The following FGD6 variants were observed in gnomAD, a reference collection of about 807,000 sequenced individuals.
FGD6 encodes FYVE, RhoGEF and PH domain-containing protein 6.
FGD6 carries 90 observed loss-of-function variants against 149.4 expected under a neutral mutation model. The ratio of observed to expected loss-of-function variants is 0.60; its 90% CI spans 0.51 to 0.72. The LOEUF (loss-of-function observed/expected upper bound fraction) is 0.72, where lower values mean the gene tolerates loss of function less well. Among genes scored for constraint, FGD6 ranks in the 30% least tolerant of loss-of-function variants. FGD6 has a pLI of 0.00. For missense variants in FGD6, 1,437 were observed against 1,684.8 expected (o/e 0.85, Z 2.57); for synonymous variants, 527 against 584.0 (o/e 0.90, Z 1.41).
chr12:95,171,986 T>C (rs952727771), intron 3 of FGD6, among the ~76,000 whole-genome samples: 2 of 129,970 alleles, frequency 1.5e-5, no homozygotes, highest in African/African-American at 5.8e-5. Context: ...AATTTCTTTA[T>C]TTCAAAAAAA....
At chr12:95,105,658 G>A (rs1878588163) in intron 13 of FGD6, among the ~76,000 whole-genome samples, 1 of 152,160 alleles carries the variant, frequency 6.6e-6, no homozygotes, top group Non-Finnish European at 1.5e-5. Flanking sequence ...TTTGTTTATA[G>A]TAGTTCTCAA....
At position 95,080,912 on chromosome 12, in the gene FGD6, T is replaced by G. The variant is rs1436653300; in HGVS notation, c.*608A>C. On this transcript the variant is annotated 3_prime_UTR_variant, in exon 21 of 21. Coordinates refer to ENST00000343958, the MANE Select transcript of FGD6 (RefSeq NM_018351.4). ...AATTCTTTGATGATGTAATATTAAC[T>G]CCTGCCAAAGAGGTACCTAACAACA... 1 of 152,186 alleles carries G rather than the reference T, an allele frequency of 6.6e-6. No homozygotes were observed. The highest frequency in any genetic ancestry group is 2.4e-5 in the African/African-American group (1 of 41,440). The allele number at this position is 152,186 out of a possible 1,614,324, so 9.4% of individuals were successfully genotyped here.
At chr12:95,157,871 CAG>C (rs1270061653) in intron 3 of FGD6, among the ~76,000 whole-genome samples, 1 of 152,028 alleles carries the variant, frequency 6.6e-6, no homozygotes. Context: ...TGTTTTGAGA[CAG>C]AGTCTCGTTC....
intron 14 of FGD6, among the ~76,000 whole-genome samples, chr12:95,095,859 CAA>C (rs768705197): frequency 5.3e-5 from 8 of 151,886 alleles, no homozygotes; most frequent in Non-Finnish European, 1.0e-4. Context: ...ACTAAAAATA[CAA>C]AAGTTAGCCG....
At chr12:95,123,559 A>G (rs1406572621) in intron 8 of FGD6, among the ~76,000 whole-genome samples, 1 of 146,248 alleles carries the variant, frequency 6.8e-6, no homozygotes, top group East Asian at 2.0e-4. Context: ...GCAAAAGTCA[A>G]TATACATTTT....
In FGD6 at chr12:95,209,895, G is replaced by T; in HGVS notation, c.1389C>A (p.Cys463Ter). The T allele has an allele frequency of 1.2e-6, 2 of 1,613,354 alleles. No homozygotes were observed. The highest frequency in any genetic ancestry group is 1.7e-6 in the Non-Finnish European group (2 of 1,179,900). The part of the protein sequence containing the change: ...MSLPKQLKLT[C>*]NEHLQSGRNL... ...TTCTCCCAGATTGCAAATGTTCATT[G>T]CAAGTTAATTTGAGCTGCTTAGGCA... Residue 463 changes from cysteine to a stop codon, truncating the protein, a stop_gained, in exon 2 of 21, where the codon TGC becomes TGA. Transcript: ENST00000343958. LOFTEE classifies it high-confidence loss of function.
intron 2 of FGD6, among the ~76,000 whole-genome samples, chr12:95,187,262 C>T (rs994127358): frequency 2.0e-5 from 3 of 150,074 alleles, no homozygotes; most frequent in Non-Finnish European, 4.4e-5. Flanking sequence ...ACCCAGGAGG[C>T]GGAGCTTGCA....
intron 2 of FGD6, among the ~76,000 whole-genome samples, chr12:95,193,718 AG>A (rs1307158039): frequency 1.3e-5 from 2 of 151,874 alleles, no homozygotes; most frequent in Non-Finnish European, 1.5e-5. Context: ...CAGTAGAGAC[AG>A]GGTTTCACCA....
chr12:95,147,789 A>G (rs1271095296), intron 5 of FGD6, among the ~76,000 whole-genome samples: 4 of 152,330 alleles, frequency 2.6e-5, no homozygotes, highest in African/African-American at 9.6e-5. Flanking sequence ...ATTAAAACAG[A>G]TAATTGATGT....
At chr12:95,139,958 C>T (rs1418823189) in intron 6 of FGD6, among the ~76,000 whole-genome samples, 1 of 152,120 alleles carries the variant, frequency 6.6e-6, no homozygotes, top group Non-Finnish European at 1.5e-5. Flanking sequence ...TTAAAGACTA[C>T]ATTTTAGTCA....
chr12:95,089,805 G>A, intron 17 of FGD6, 109 bp from the exon 18 acceptor site: 2 of 1,385,696 alleles, frequency 1.4e-6, no homozygotes, highest in Non-Finnish European at 2.0e-6. Flanking sequence ...AGGACACTAA[G>A]AAACAACATT....
At chr12:95,165,696 G>C (rs1241050223) in intron 3 of FGD6, among the ~76,000 whole-genome samples, 1 of 151,406 alleles carries the variant, frequency 6.6e-6, no homozygotes, top group African/African-American at 2.4e-5. Context: ...GGAATGCTGT[G>C]GCATGACCTC....
At chr12:95,159,353 T>C (rs1880571680) in intron 3 of FGD6, among the ~76,000 whole-genome samples, 1 of 152,140 alleles carries the variant, frequency 6.6e-6, no homozygotes. Context: ...CTTATGATCT[T>C]GAATTAGGCA....
At chr12:95,136,184 C>G (rs1379137959) in intron 7 of FGD6, among the ~76,000 whole-genome samples, 3 of 151,914 alleles carry the variant, frequency 2.0e-5, no homozygotes, top group Non-Finnish European at 2.9e-5. Flanking sequence ...ACAGTGAAAC[C>G]CTGTCTCTAC....
At chr12:95,131,283 A>AT (rs1290759664) in intron 8 of FGD6, among the ~76,000 whole-genome samples, 1 of 151,758 alleles carries the variant, frequency 6.6e-6, no homozygotes, top group Non-Finnish European at 1.5e-5. Flanking sequence ...TGATTTTTGT[A>AT]TTTTTAGTAG....
At chr12:95,136,455 C>T (rs1592847193) in intron 7 of FGD6, among the ~76,000 whole-genome samples, 1 of 152,178 alleles carries the variant, frequency 6.6e-6, no homozygotes, top group East Asian at 1.9e-4. Flanking sequence ...AGCTTCAAAA[C>T]AGAGAAGTAC....
chr12:95,084,045 A>G (rs574204799), intron 20 of FGD6, among the ~76,000 whole-genome samples: 5 of 152,276 alleles, frequency 3.3e-5, no homozygotes, highest in African/African-American at 1.2e-4. Flanking sequence ...GGAGTCTCTT[A>G]ATGTGTTTGA....
Position 95,152,859 on chromosome 12 carries a change from G to A in FGD6, c.2655-18C>T. On this transcript the variant is annotated intron_variant, in intron 4 of 20. Coordinates refer to ENST00000343958, the MANE Select transcript of FGD6 (RefSeq NM_018351.4). ...CCACAAACCTGTAAAAAACAACAATGAAAAAAATGTTTTAAATGTGCCAAT... is the reference window on the plus strand; with the variant it reads ...CCACAAACCTGTAAAAAACAACAATAAAAAAAATGTTTTAAATGTGCCAAT... The A allele has an allele frequency of 1.2e-6, 2 of 1,613,452 alleles. No homozygotes were observed. Among genetic ancestry groups the A allele is most frequent in the Middle Eastern group, 1.7e-4 (1 of 6,058 alleles).
intron 8 of FGD6, among the ~76,000 whole-genome samples, chr12:95,119,854 A>C (rs1448189543): frequency 6.6e-6 from 1 of 152,216 alleles, no homozygotes; most frequent in Non-Finnish European, 1.5e-5. Flanking sequence ...CAGGAGGCAG[A>C]GGTTGCAGTG....
Sources: gnomAD v4.1 joint callset for allele counts (sites outside exome capture counted in the v4.1 genomes callset) on GRCh38, gnomAD v4.1.1 for gene constraint, MANE v1.5 for transcripts, NCBI Gene and HGNC (gene_info 2026-07-23, HGNC 2026-07-21) for gene names.